The following BRD1 variants were observed in gnomAD, a reference collection of about 807,000 sequenced individuals.
The protein encoded by BRD1 is bromodomain containing 1.
Under a neutral mutation model 107.7 loss-of-function variants are expected in BRD1, and 24 were observed. That is an observed-to-expected ratio of 0.22 (90% confidence interval 0.16 to 0.31). The LOEUF is 0.31. BRD1 is among the 10% of genes least tolerant of loss of function. The pLI, the probability that BRD1 is intolerant of heterozygous loss-of-function variation, is 1.00. For missense variants in BRD1, 1,279 were observed against 1,638.6 expected (o/e 0.78, Z 3.79); for synonymous variants, 744 against 686.1 (o/e 1.08, Z -1.32).
At chr22:49,809,459 T>C (rs1233212776) in intron 2 of BRD1, among the ~76,000 whole-genome samples, 1 of 151,620 alleles carries the variant, frequency 6.6e-6, no homozygotes, top group Admixed American at 6.6e-5. Flanking sequence ...GAGAATCGCT[T>C]GAACACGGGA....
At position 49,782,189 on chromosome 22, in the gene BRD1, G is replaced by A. The variant is rs545270400; in HGVS notation, c.2858-4376C>T. 1.6e-4 allele frequency among the ~76,000 whole-genome samples: 24 copies of A among 150,232 alleles called. No homozygotes were observed. The South Asian group carries it at 4.9e-3, about 31-fold the overall frequency. On this transcript the variant is annotated intron_variant, in intron 8 of 12. Coordinates refer to ENST00000404760, the MANE Select transcript of BRD1 (RefSeq NM_001304808.3). ...GCTCCGTGACAATGCAGCCGGGGAC[G>A]GTCAGAGACAGACCCAAGGCCCATG...
chr22:49,815,050 T>C (rs986304822), intron 2 of BRD1, among the ~76,000 whole-genome samples: 1 of 152,198 alleles, frequency 6.6e-6, no homozygotes, highest in African/African-American at 2.4e-5. Flanking sequence ...GCTGTCTAAA[T>C]GGCCAGATGA....
rs148277487 is a variant in BRD1, at chr22:49,797,904, G to A, written c.1999C>T (p.Arg667Trp). The A allele has an allele frequency of 3.1e-5, 50 of 1,614,072 alleles. No individual in the cohort carries two copies. Among genetic ancestry groups the A allele is most frequent in the South Asian group, 5.5e-5 (5 of 91,080 alleles). The stretch of plus-strand genomic sequence containing the variant: ...AAGCCGATGCTGTCCACCTCGCGCC[G>A]GGCCTGCCTCAGAACAACACCTCCC... ...DQGGVVLRQARREVDSIGLEE... is the reference protein window; with the variant it reads ...DQGGVVLRQAWREVDSIGLEE... The change falls in exon 6 of 13, where the codon CGG (arginine) becomes TGG (tryptophan). Residue 667 changes from arginine to tryptophan, a missense_variant. Physicochemically the swap from Arg to Trp is moderately radical, Grantham distance 101. This residue lies in a region of BRD1 where 406 missense variants were observed against 519.4 expected (regional missense o/e 0.78). Transcript: ENST00000404760.
chr22:49,806,917 G>C (rs1163691634), intron 2 of BRD1: 1 of 151,894 alleles, frequency 6.6e-6, no homozygotes, highest in Non-Finnish European at 1.5e-5. Flanking sequence ...AGAATCGCTT[G>C]AGCCCGGGAA....
intron 1 of BRD1, among the ~76,000 whole-genome samples, chr22:49,827,115 C>G (rs1432216193): frequency 6.6e-6 from 1 of 151,492 alleles, no homozygotes; most frequent in Non-Finnish European, 1.5e-5. Context: ...GCGGCCCGGC[C>G]GGCTCGGCGG....
rs1372908140 is a variant in BRD1, at chr22:49,793,938, C to T, written c.2359+96G>A. ...GCGCTAACCTGAGCCTCCGTGCACA[C>T]CAACGCTGCTGCCCGTGTCTGGGTC... On this transcript the variant is annotated intron_variant, in intron 7 of 12. Coordinates refer to ENST00000404760, the MANE Select transcript of BRD1 (RefSeq NM_001304808.3). The T allele has an allele frequency of 7.3e-6, 11 of 1,500,312 alleles. No individual in the cohort carries two copies. The East Asian group carries it at 2.5e-4, about 34-fold the overall frequency. 92.9% of individuals were successfully genotyped at this position (1,500,312 alleles called of 1,614,324 possible).
chr22:49,794,439 C>A, intron 6 of BRD1, 145 bp from the exon 7 acceptor site: 3 of 1,046,048 alleles, frequency 2.9e-6, no homozygotes, highest in Non-Finnish European at 4.1e-6. Context: ...TCACCAGAGG[C>A]CCCTCCCCTG....
Position 49,827,831 on chromosome 22 carries a change from A to T in BRD1, c.-349T>A, listed in dbSNP as rs1342047218. ...GGGACGCGGGGCTGGCTCGGACTCC[A>T]GGGCCGGGTCGCTCGCTCGCTCCCC... On this transcript the variant is annotated 5_prime_UTR_variant, in exon 1 of 13. Coordinates refer to ENST00000404760, the MANE Select transcript of BRD1 (RefSeq NM_001304808.3). Among the ~76,000 whole-genome samples, 2 of 143,184 alleles carry T rather than the reference A, an allele frequency of 1.4e-5. No individual in the cohort carries two copies. The highest frequency in any genetic ancestry group is 3.1e-5 in the Non-Finnish European group (2 of 65,234). 93.9% of individuals were successfully genotyped at this position (143,184 alleles called of 152,430 possible).
intron 6 of BRD1, among the ~76,000 whole-genome samples, chr22:49,795,014 AAAGT>A (rs990753357): frequency 6.6e-6 from 1 of 152,220 alleles, no homozygotes; most frequent in Non-Finnish European, 1.5e-5. Context: ...GACAAAAAAA[AAAGT>A]AAGACTGCCC....
intron 3 of BRD1, among the ~76,000 whole-genome samples, chr22:49,800,741 G>A (rs1409656350): frequency 1.3e-5 from 2 of 152,150 alleles, no homozygotes; most frequent in African/African-American, 2.4e-5. Context: ...TTCCTTACTC[G>A]GCTCTCAAGG....
chr22:49,791,392 A>G (rs2059431698), intron 7 of BRD1, among the ~76,000 whole-genome samples: 1 of 152,260 alleles, frequency 6.6e-6, no homozygotes, highest in South Asian at 2.1e-4. Context: ...AAGCTGCTTC[A>G]AGTGGAAGCA....
intron 7 of BRD1, among the ~76,000 whole-genome samples, chr22:49,790,452 C>T (rs1257328307): frequency 6.6e-6 from 1 of 152,216 alleles, no homozygotes; most frequent in African/African-American, 2.4e-5. Flanking sequence ...CCTCTCAGAC[C>T]CCGTCAATGT....
chr22:49,790,454 C>T (rs545046754), intron 7 of BRD1, among the ~76,000 whole-genome samples: 2 of 152,228 alleles, frequency 1.3e-5, no homozygotes, highest in Non-Finnish European at 2.9e-5. Context: ...TCTCAGACCC[C>T]GTCAATGTAT....
At chr22:49,811,786 G>A (rs899660551) in intron 2 of BRD1, among the ~76,000 whole-genome samples, 1 of 152,226 alleles carries the variant, frequency 6.6e-6, no homozygotes, top group African/African-American at 2.4e-5. Flanking sequence ...ATTCCCCCAC[G>A]GGCGGCAGAA....
intron 11 of BRD1, 85 bp from the exon 12 acceptor site, chr22:49,775,830 C>CTCCGA: frequency 7.8e-7 from 1 of 1,278,908 alleles, no homozygotes; most frequent in African/African-American, 2.0e-5. Flanking sequence ...CCCCCGCCTC[C>CTCCGA]CCACCCCAGC....
At chr22:49,778,195 G>A (rs910204349) in intron 8 of BRD1, among the ~76,000 whole-genome samples, 1 of 152,212 alleles carries the variant, frequency 6.6e-6, no homozygotes, top group African/African-American at 2.4e-5. Flanking sequence ...GTCCACGTGG[G>A]CACCGGCCGC....
Position 49,787,596 on chromosome 22 carries a change from A to C in BRD1, c.2651T>G (p.Leu884Arg). The change falls in exon 8 of 13, where the codon CTC (leucine) becomes CGC (arginine). Residue 884 changes from leucine to arginine, a missense_variant. Coordinates refer to ENST00000404760, the MANE Select transcript of BRD1 (RefSeq NM_001304808.3). The stretch of plus-strand genomic sequence containing the variant: ...GCTTACACTTTTCGATTTGCAGAAG[A>C]GAACAGAAGTGCGTCTGTTTACATC... ...ASDVNRRTSV[L>R]FCKSKSVSPP... The C allele has an allele frequency of 6.4e-7, 1 of 1,557,526 alleles. No individual in the cohort carries two copies. The highest frequency in any genetic ancestry group is 8.7e-7 in the Non-Finnish European group (1 of 1,150,224).
intron 6 of BRD1, among the ~76,000 whole-genome samples, chr22:49,795,807 G>C (rs2059519984): frequency 6.6e-6 from 1 of 152,202 alleles, no homozygotes. Context: ...GCTAGAGAAG[G>C]ACCTTCCAGG....
chr22:49,826,220 C>T lies in BRD1; in HGVS notation c.-15+1277G>A. 3.0e-6 allele frequency: 3 copies of T among 985,454 alleles called. No individual in the cohort carries two copies. In the South Asian group the frequency reaches 1.4e-4, roughly 46 times the overall value. 61.0% of individuals were successfully genotyped at this position (985,454 alleles called of 1,614,324 possible). On this transcript the variant is annotated intron_variant, in intron 1 of 12. Transcript: ENST00000404760. ...CTGAGTCGCCCTAACGACAAGCAGC[C>T]CCTGGAAACCCACTCTCTCCCAGGG...
Sources: allele counts gnomAD v4.1 joint callset (sites outside exome capture counted in the v4.1 genomes callset), GRCh38; gene constraint gnomAD v4.1.1; regional missense constraint gnomAD v4.1.1; transcripts MANE v1.5; gene names NCBI Gene and HGNC (gene_info 2026-07-23, HGNC 2026-07-21).